C12orf42: variants seen among roughly 807,000 people sequenced by gnomAD.
The protein encoded by C12orf42 is chromosome 12 open reading frame 42.
In C12orf42, 25 loss-of-function variants were observed where a neutral mutation model predicts 21.6. The observed-to-expected ratio is 1.16, with a 90% CI of 0.84 to 1.62. The LOEUF (loss-of-function observed/expected upper bound fraction) is 1.62. Among genes scored for constraint, C12orf42 ranks in the 40% most tolerant of loss-of-function variants. The pLI is 0.00. For missense variants in C12orf42, 483 were observed against 459.3 expected (o/e 1.05, Z -0.47); for synonymous variants, 174 against 175.0 (o/e 0.99, Z 0.05).
At chr12:103,237,054 A>G (rs1369196424), downstream of C12orf42, among the ~76,000 whole-genome samples, 2 of 152,306 alleles carry the variant, frequency 1.3e-5, no homozygotes, top group African/African-American at 4.8e-5. Context: ...AAAGTTTTAA[A>G]TAGTATACAA....
At chr12:103,529,534 A>C in the C12orf42 span, among the ~76,000 whole-genome samples, 1 of 152,174 alleles carries the variant, frequency 6.6e-6, no homozygotes, top group Admixed American at 6.5e-5. Flanking sequence ...CCACCCTATT[A>C]GCAGATGGTG....
At chr12:103,400,160 G>A (rs947552070) in intron 3 of C12orf42, among the ~76,000 whole-genome samples, 2 of 152,156 alleles carry the variant, frequency 1.3e-5, no homozygotes, top group East Asian at 1.9e-4. Flanking sequence ...ATTTAAAAGA[G>A]GATCTAGCTG....
chr12:103,373,689 C>T (rs987966358), intron 3 of C12orf42, among the ~76,000 whole-genome samples: 3 of 152,150 alleles, frequency 2.0e-5, no homozygotes, highest in African/African-American at 4.8e-5. Flanking sequence ...CAGACCAAAA[C>T]CAAAAGTGTA....
chr12:103,213,474 G>A, the C12orf42 span, among the ~76,000 whole-genome samples: 3 of 152,208 alleles, frequency 2.0e-5, no homozygotes, highest in South Asian at 6.2e-4. Context: ...TTGGGGATAT[G>A]TGTTCTTGTG....
At chr12:103,213,264 C>G in the C12orf42 span, among the ~76,000 whole-genome samples, 4 of 152,238 alleles carry the variant, frequency 2.6e-5, no homozygotes, top group Non-Finnish European at 5.9e-5. Flanking sequence ...GAGGAGGAAA[C>G]TGATGCCAGG....
the C12orf42 span, among the ~76,000 whole-genome samples, chr12:103,133,375 C>G: frequency 2.6e-5 from 4 of 152,166 alleles, no homozygotes; most frequent in Non-Finnish European, 4.4e-5. Flanking sequence ...GGCACCTAAG[C>G]AAGCTGCCAG....
At chr12:103,426,418 A>G (rs564468788) in intron 2 of C12orf42, among the ~76,000 whole-genome samples, 8 of 152,342 alleles carry the variant, frequency 5.3e-5, no homozygotes, top group African/African-American at 1.7e-4. Flanking sequence ...AGAAAAAAGA[A>G]TGAAAAAGAA....
At chr12:103,335,279 A>T (rs1566100065) in intron 4 of C12orf42, among the ~76,000 whole-genome samples, 1 of 152,246 alleles carries the variant, frequency 6.6e-6, no homozygotes, top group African/African-American at 2.4e-5. Flanking sequence ...GTGCTCAAGC[A>T]GGATGCACCC....
intron 2 of C12orf42, among the ~76,000 whole-genome samples, chr12:103,419,669 A>G (rs985065465): frequency 1.3e-5 from 2 of 152,116 alleles, no homozygotes; most frequent in Non-Finnish European, 2.9e-5. Flanking sequence ...CTTCAGATCT[A>G]TTTGTGTCCA....
the C12orf42 span, among the ~76,000 whole-genome samples, chr12:103,133,367 C>A: frequency 6.6e-6 from 1 of 152,132 alleles, no homozygotes; most frequent in African/African-American, 2.4e-5. Context: ...TTACTACTGG[C>A]ACCTAAGCAA....
At chr12:103,271,166 C>A (rs1297888432) in intron 5 of C12orf42, among the ~76,000 whole-genome samples, 1 of 152,118 alleles carries the variant, frequency 6.6e-6, no homozygotes, top group Non-Finnish European at 1.5e-5. Context: ...TGGGAGGCCT[C>A]CTCTGGATTT....
chr12:103,477,312 G>C (rs117520978), intron 2 of C12orf42, among the ~76,000 whole-genome samples: 1 of 152,026 alleles, frequency 6.6e-6, no homozygotes, highest in Non-Finnish European at 1.5e-5. Context: ...AGAATCTCTC[G>C]GTGAAAGTGT....
At chr12:103,384,007 A>G (rs921947153) in intron 3 of C12orf42, among the ~76,000 whole-genome samples, 1 of 151,966 alleles carries the variant, frequency 6.6e-6, no homozygotes, top group Non-Finnish European at 1.5e-5. Context: ...AGCCCAGAGC[A>G]GTGGTTACAG....
the C12orf42 span, among the ~76,000 whole-genome samples, chr12:103,187,410 C>A: frequency 6.6e-6 from 1 of 152,100 alleles, no homozygotes; most frequent in East Asian, 1.9e-4. Flanking sequence ...GCTGTCTGGC[C>A]CTAGAAGCCA....
the C12orf42 span, among the ~76,000 whole-genome samples, chr12:103,232,181 T>G: frequency 5.3e-5 from 8 of 152,336 alleles, no homozygotes; most frequent in African/African-American, 1.9e-4. Flanking sequence ...GTTTTAAGAA[T>G]CTTTTCTGTA....
chr12:103,456,297 C>T (rs1420066589), intron 2 of C12orf42: 1 of 152,094 alleles, frequency 6.6e-6, no homozygotes. Flanking sequence ...TTCTTGAGAA[C>T]TGTAAGCAAG....
the C12orf42 span, among the ~76,000 whole-genome samples, chr12:103,556,936 A>C: frequency 2.2e-4 from 32 of 143,616 alleles, no homozygotes; most frequent in African/African-American, 8.1e-4. Flanking sequence ...GTTATGCAGA[A>C]AAAAAAAAAA....
At chr12:103,448,417 T>C (rs1951716833) in intron 2 of C12orf42, among the ~76,000 whole-genome samples, 2 of 151,664 alleles carry the variant, frequency 1.3e-5, no homozygotes, top group African/African-American at 4.8e-5. Flanking sequence ...CAAAAGCAAA[T>C]GCAACAAAAA....
intron 2 of C12orf42, among the ~76,000 whole-genome samples, chr12:103,475,455 A>G (rs1378906156): frequency 2.6e-5 from 4 of 152,238 alleles, no homozygotes; most frequent in Non-Finnish European, 5.9e-5. Context: ...AAAATGTTCA[A>G]CAATACCAGT....
Sources: gnomAD v4.1 joint callset for allele counts (sites outside exome capture counted in the v4.1 genomes callset) on GRCh38, gnomAD v4.1.1 for gene constraint, MANE v1.5 for transcripts, NCBI Gene and HGNC (gene_info 2026-07-23, HGNC 2026-07-21) for gene names.